Variants in RAB27A observed in about 807,000 individuals in gnomAD.
RAB27A encodes RAB27A, member RAS oncogene family, also known as ras-related protein Rab-27A.
A neutral mutation model predicts 20.8 loss-of-function variants in RAB27A; 17 were observed. That is an observed-to-expected ratio of 0.82 (90% CI 0.56 to 1.23). The LOEUF (loss-of-function observed/expected upper bound fraction) is 1.23. Ranked by LOEUF, RAB27A falls within the 50% of genes most tolerant of loss-of-function variation. RAB27A has a pLI of 0.00. For missense variants in RAB27A, 277 were observed against 266.7 expected (o/e 1.04, Z -0.27); for synonymous variants, 85 against 92.8 (o/e 0.92, Z 0.48).
intron 2 of RAB27A, among the ~76,000 whole-genome samples, chr15:55,241,995 C>A (rs1896512021): frequency 6.6e-6 from 1 of 152,114 alleles, no homozygotes; most frequent in South Asian, 2.1e-4. Context: ...TTCTCCCTCT[C>A]TCTCTCTCTG....
At chr15:55,305,219 A>T (rs2054991935) in intron 2 of RAB27A, among the ~76,000 whole-genome samples, 1 of 152,166 alleles carries the variant, frequency 6.6e-6, no homozygotes, top group African/African-American at 2.4e-5. Flanking sequence ...TCCCTACTCC[A>T]CAGGAAAACC....
chr15:55,263,951 C>T (rs1897365128), intron 2 of RAB27A, among the ~76,000 whole-genome samples: 1 of 152,212 alleles, frequency 6.6e-6, no homozygotes, highest in East Asian at 1.9e-4. Flanking sequence ...TTACAAAAAA[C>T]CACATTAAAC....
rs79179657 is a variant in RAB27A, at chr15:55,258,882, T to C, written c.-23+11283A>G. On this transcript the variant is annotated intron_variant, in intron 2 of 6. Coordinates refer to ENST00000336787, the MANE Select transcript of RAB27A (RefSeq NM_183235.3). ...CTCCGTTGCCCAGGCTGGTGTGCAA[T>C]GGCACAATCTCATCTCACTGCAACC... Among the ~76,000 whole-genome samples the C allele has an allele frequency of 6.1e-3, 922 of 152,350 alleles. 12 individuals carry two copies. The highest frequency in any genetic ancestry group is 0.021 in the African/African-American group (867 of 41,572).
At chr15:55,240,613 A>G (rs543584937) in intron 2 of RAB27A, among the ~76,000 whole-genome samples, 9 of 148,352 alleles carry the variant, frequency 6.1e-5, no homozygotes, top group East Asian at 1.9e-4. Flanking sequence ...GAGAGACAGG[A>G]AAAAAAAATG....
intron 6 of RAB27A, among the ~76,000 whole-genome samples, chr15:55,220,467 C>T (rs570093155): frequency 3.9e-4 from 59 of 152,096 alleles, no homozygotes; most frequent in Non-Finnish European, 1.3e-4. Context: ...GATGGGGTTT[C>T]ACCATGTTGG....
chr15:55,251,279 C>T (rs1316720607), intron 2 of RAB27A, among the ~76,000 whole-genome samples: 2 of 152,106 alleles, frequency 1.3e-5, no homozygotes, highest in African/African-American at 4.8e-5. Flanking sequence ...CTATTTAAAG[C>T]TTAAGAGAAT....
intron 1 of RAB27A, among the ~76,000 whole-genome samples, chr15:55,315,613 C>G (rs1595758753): frequency 6.6e-6 from 1 of 152,128 alleles, no homozygotes; most frequent in African/African-American, 2.4e-5. Context: ...AGACACTTCT[C>G]AAAAGAAGAC....
At chr15:55,218,170 GAACA>G (rs1370246080) in intron 6 of RAB27A, among the ~76,000 whole-genome samples, 2 of 152,134 alleles carry the variant, frequency 1.3e-5, no homozygotes, top group African/African-American at 4.8e-5. Flanking sequence ...TAGAAATTAT[GAACA>G]AACGTCTCAC....
At chr15:55,265,132 C>G (rs1897418114) in intron 2 of RAB27A, among the ~76,000 whole-genome samples, 1 of 152,126 alleles carries the variant, frequency 6.6e-6, no homozygotes, top group African/African-American at 2.4e-5. Context: ...ATCCCAGCTA[C>G]TTGGGAGGCT....
intron 2 of RAB27A, among the ~76,000 whole-genome samples, chr15:55,268,043 CAGAG>C (rs1322193222): frequency 2.6e-5 from 4 of 152,122 alleles, no homozygotes; most frequent in Admixed American, 6.5e-5. Context: ...TGGTAAGAGA[CAGAG>C]AGAGCAGCCA....
At chr15:55,240,167 T>C (rs1227274458) in intron 2 of RAB27A, among the ~76,000 whole-genome samples, 1 of 152,150 alleles carries the variant, frequency 6.6e-6, no homozygotes, top group Non-Finnish European at 1.5e-5. Context: ...AGAAAGAAAA[T>C]ACTCCACTCC....
chr15:55,316,561 G>A (rs982412295), intron 1 of RAB27A, among the ~76,000 whole-genome samples: 2 of 150,384 alleles, frequency 1.3e-5, no homozygotes, highest in Admixed American at 6.6e-5. Flanking sequence ...AAACCTGCAC[G>A]TTCAGCACAT....
intron 5 of RAB27A, among the ~76,000 whole-genome samples, chr15:55,224,971 T>C (rs547898417): frequency 1.9e-4 from 29 of 152,224 alleles, no homozygotes; most frequent in Non-Finnish European, 3.8e-4. Context: ...ATACTCTGCA[T>C]GGAATTTCAC....
intron 2 of RAB27A, among the ~76,000 whole-genome samples, chr15:55,304,572 C>T (rs1178156837): frequency 6.6e-6 from 1 of 152,150 alleles, no homozygotes; most frequent in African/African-American, 2.4e-5. Flanking sequence ...TGTCTCTAGA[C>T]ATTTACCTGT....
chr15:55,210,771 T>C (rs1304936224), intron 6 of RAB27A, among the ~76,000 whole-genome samples: 1 of 152,154 alleles, frequency 6.6e-6, no homozygotes, highest in Non-Finnish European at 1.5e-5. Flanking sequence ...TAGCTTGATA[T>C]AAATCCCATA....
chr15:55,238,522 C>T (rs1481112128), intron 2 of RAB27A: 1 of 152,098 alleles, frequency 6.6e-6, no homozygotes, highest in African/African-American at 2.4e-5. Flanking sequence ...TACCTCACAC[C>T]ATTATTCTGA....
intron 2 of RAB27A, among the ~76,000 whole-genome samples, chr15:55,247,246 A>G (rs1276635241): frequency 6.6e-6 from 1 of 152,214 alleles, no homozygotes; most frequent in Non-Finnish European, 1.5e-5. Flanking sequence ...CTGAAGAGGT[A>G]AAATGAAAAG....
chr15:55,217,426 G>T (rs1004456650), intron 6 of RAB27A, among the ~76,000 whole-genome samples: 1 of 151,924 alleles, frequency 6.6e-6, no homozygotes, highest in Non-Finnish European at 1.5e-5. Flanking sequence ...TTGGGAGGCC[G>T]AGACTTGTGC....
chr15:55,286,910 T>C (rs114776052), intron 1 of RAB27A, among the ~76,000 whole-genome samples: 1,525 of 133,294 alleles, frequency 0.011, 27 homozygotes, highest in African/African-American at 0.039. Context: ...CCTAGATGTA[T>C]TCTTTTTTTT....
Sources: gnomAD v4.1 joint callset for allele counts (sites outside exome capture counted in the v4.1 genomes callset) on GRCh38, gnomAD v4.1.1 for gene constraint, MANE v1.5 for transcripts, NCBI Gene and HGNC (gene_info 2026-07-23, HGNC 2026-07-21) for gene names.